MYH16: variants seen among roughly 807,000 people sequenced by gnomAD.
MYH16 encodes putative uncharacterized protein MYH16.
At chr7:99,296,430 C>CAA (rs1361333651) in intron 33 of MYH16, among the ~76,000 whole-genome samples, 1 of 151,956 alleles carries the variant, frequency 6.6e-6, no homozygotes, top group Non-Finnish European at 1.5e-5. Context: ...CCTCATTTTA[C>CAA]ACCTGAGAGA....
chr7:99,256,161 A>G (rs1156826601), intron 9 of MYH16, among the ~76,000 whole-genome samples: 2 of 150,986 alleles, frequency 1.3e-5, no homozygotes, highest in Non-Finnish European at 1.5e-5. Context: ...TAATAGTGCC[A>G]GGCACAGTAG....
At chr7:99,286,352 G>T (rs1003981161) in intron 27 of MYH16, 1 of 152,612 alleles carries the variant, frequency 6.6e-6, no homozygotes, top group Admixed American at 6.5e-5. Flanking sequence ...GCAGGTGAAG[G>T]TTGCAGTGAG....
chr7:99,309,668 G>A (rs971416570), downstream of MYH16, among the ~76,000 whole-genome samples: 1 of 152,216 alleles, frequency 6.6e-6, no homozygotes, highest in African/African-American at 2.4e-5. Flanking sequence ...CTTCCACTAG[G>A]AGTCTTAGGC....
At chr7:99,255,852 C>T (rs900070668) in intron 9 of MYH16, among the ~76,000 whole-genome samples, 4 of 152,164 alleles carry the variant, frequency 2.6e-5, no homozygotes, top group Non-Finnish European at 5.9e-5. Flanking sequence ...GCATTTTATT[C>T]CAAGCCCATT....
intron 20 of MYH16, among the ~76,000 whole-genome samples, chr7:99,274,612 G>A (rs73709622): frequency 0.011 from 1,643 of 152,108 alleles, 22 homozygotes; most frequent in African/African-American, 0.038. Flanking sequence ...AGGCGTTGCC[G>A]GTGCCGCCTG....
chr7:99,291,630 C>G (rs1221174844), intron 31 of MYH16, among the ~76,000 whole-genome samples, 180 bp downstream of exon 12: 1 of 133,214 alleles, frequency 7.5e-6, no homozygotes, highest in Non-Finnish European at 1.6e-5. Flanking sequence ...CCCCCCCACC[C>G]CCCCCACCCC....
chr7:99,242,796 G>A (rs372259504), intron 1 of MYH16, among the ~76,000 whole-genome samples: 5 of 152,064 alleles, frequency 3.3e-5, no homozygotes, highest in South Asian at 4.2e-4. Flanking sequence ...CTTTAAAAAA[G>A]AGAGAGAGAA....
downstream of MYH16, among the ~76,000 whole-genome samples, chr7:99,307,643 G>C (rs1468883254): frequency 6.6e-6 from 1 of 152,006 alleles, no homozygotes; most frequent in Non-Finnish European, 1.5e-5. Flanking sequence ...AGGATCCCTT[G>C]AGCCCAGGAG....
intron 17 of MYH16, among the ~76,000 whole-genome samples, chr7:99,265,848 C>T (rs765314136): frequency 6.6e-6 from 1 of 152,156 alleles, no homozygotes; most frequent in Non-Finnish European, 1.5e-5. Context: ...AGAGATTGGG[C>T]ATGTTCAGGG....
intron 20 of MYH16, among the ~76,000 whole-genome samples, chr7:99,276,905 GAT>G (rs1160287443): frequency 7.9e-5 from 12 of 151,922 alleles, no homozygotes; most frequent in Non-Finnish European, 1.5e-5. Context: ...GAGAGACAGA[GAT>G]AAGAGAGACA....
chr7:99,305,643 G>C (rs1382422230), intron 40 of MYH16, 193 bp from the exon 22 acceptor site: 1 of 152,906 alleles, frequency 6.5e-6, no homozygotes, highest in African/African-American at 2.4e-5. Flanking sequence ...AGGCCACTGA[G>C]CTCTGAAGCT....
chr7:99,292,508 A>T, exon 32 of MYH16: 1 of 464,352 alleles, frequency 2.2e-6, no homozygotes, highest in South Asian at 1.5e-5. Flanking sequence ...GAGGAGACCA[A>T]GTGAGTGTGG....
chr7:99,269,501 C>A (rs900161863), intron 18 of MYH16, among the ~76,000 whole-genome samples: 1 of 152,112 alleles, frequency 6.6e-6, no homozygotes, highest in Admixed American at 6.5e-5. Flanking sequence ...TTCTCCAACT[C>A]CTGGGCTCAA....
intron 31 of MYH16, among the ~76,000 whole-genome samples, 185 bp downstream of exon 12, chr7:99,291,635 C>CCCCCCCCCA: frequency 7.4e-6 from 1 of 134,548 alleles, no homozygotes; most frequent in Non-Finnish European, 1.6e-5. Context: ...CCACCCCCCC[C>CCCCCCCCCA]ACCCCCAACG....
chr7:99,305,093 T>G (rs1364655680), intron 40 of MYH16, among the ~76,000 whole-genome samples: 1 of 151,412 alleles, frequency 6.6e-6, no homozygotes, highest in Non-Finnish European at 1.5e-5. Context: ...GGAGGCTGAG[T>G]TGGGAGGATT....
intron 18 of MYH16, among the ~76,000 whole-genome samples, chr7:99,267,539 A>G (rs1043009591): frequency 2.6e-5 from 4 of 152,170 alleles, no homozygotes; most frequent in Non-Finnish European, 5.9e-5. Context: ...CTGAGCCCTG[A>G]GTGTCCAAGA....
At chr7:99,248,771 G>A (rs1175021364) in intron 3 of MYH16, among the ~76,000 whole-genome samples, 1 of 152,186 alleles carries the variant, frequency 6.6e-6, no homozygotes, top group Non-Finnish European at 1.5e-5. Flanking sequence ...AAGAGTGGCT[G>A]ATAAATTCCT....
At chr7:99,288,699 A>G (rs1792322894) in intron 29 of MYH16, among the ~76,000 whole-genome samples, 2 of 152,178 alleles carry the variant, frequency 1.3e-5, no homozygotes, top group Admixed American at 6.5e-5. Flanking sequence ...AAAATAAAAT[A>G]AAATAAAATA....
chr7:99,302,384 G>A (rs1156696915), intron 38 of MYH16, among the ~76,000 whole-genome samples: 1 of 146,210 alleles, frequency 6.8e-6, no homozygotes, highest in Non-Finnish European at 1.5e-5. Context: ...GGCCAACATG[G>A]TGAAACCCCA....
Sources: allele counts gnomAD v4.1 joint callset (sites outside exome capture counted in the v4.1 genomes callset), GRCh38; gene constraint gnomAD v4.1.1; transcripts MANE v1.5; gene names NCBI Gene and HGNC (gene_info 2026-07-23, HGNC 2026-07-21).